ROBO2: variants seen among roughly 807,000 people sequenced by gnomAD.
ROBO2 encodes roundabout homolog 2.
A neutral mutation model predicts 160.8 loss-of-function variants in ROBO2; 53 were observed. The observed-to-expected ratio is 0.33, with a 90% CI of 0.26 to 0.41. The LOEUF is 0.41. Among genes scored for constraint, ROBO2 ranks in the 10% least tolerant of loss-of-function variants. The pLI is 1.00. For missense variants in ROBO2, 1,577 were observed against 1,722.4 expected, an observed-to-expected ratio of 0.92 and a Z score of 1.49; for synonymous variants, 664 against 611.7, an observed-to-expected ratio of 1.09 and a Z score of -1.26.
intron 2 of ROBO2, among the ~76,000 whole-genome samples, chr3:76,685,021 TC>T (rs2092653846): frequency 6.6e-6 from 1 of 151,292 alleles, no homozygotes; most frequent in Admixed American, 6.6e-5. Flanking sequence ...AAAAAAAAAT[TC>T]CCCCACCCCC....
intron 2 of ROBO2, among the ~76,000 whole-genome samples, chr3:76,647,744 A>C (rs1354020403): frequency 6.6e-6 from 1 of 152,058 alleles, no homozygotes; most frequent in Admixed American, 6.6e-5. Flanking sequence ...GGAGGACATG[A>C]GGCAGACTAA....
At chr3:77,630,736 G>A (rs948926753) in intron 23 of ROBO2, 2 of 151,954 alleles carry the variant, frequency 1.3e-5, no homozygotes, top group Non-Finnish European at 2.9e-5. Flanking sequence ...GAGACTAGAG[G>A]GAAATCAGGT....
At chr3:76,525,710 A>G (rs2081912576) in intron 2 of ROBO2, among the ~76,000 whole-genome samples, 1 of 151,926 alleles carries the variant, frequency 6.6e-6, no homozygotes, top group Non-Finnish European at 1.5e-5. Flanking sequence ...GTTTTACTTA[A>G]TTTTGCAGGA....
intron 2 of ROBO2, among the ~76,000 whole-genome samples, chr3:75,941,722 C>T (rs1307167665): frequency 6.6e-6 from 1 of 152,046 alleles, no homozygotes; most frequent in Non-Finnish European, 1.5e-5. Context: ...CTGGCAATTC[C>T]AATTTTCAGT....
At chr3:77,457,059 A>G (rs560692810) in intron 2 of ROBO2, among the ~76,000 whole-genome samples, 1 of 152,290 alleles carries the variant, frequency 6.6e-6, no homozygotes, top group Admixed American at 6.5e-5. Flanking sequence ...GCCCTTTAAA[A>G]GTCCAGCACA....
At chr3:76,263,380 C>T (rs1284988684) in intron 2 of ROBO2, among the ~76,000 whole-genome samples, 1 of 151,974 alleles carries the variant, frequency 6.6e-6, no homozygotes, top group African/African-American at 2.4e-5. Flanking sequence ...GCATGCACTA[C>T]CATACCTAGC....
At chr3:76,350,651 G>A (rs1010324993) in intron 2 of ROBO2, among the ~76,000 whole-genome samples, 19 of 151,904 alleles carry the variant, frequency 1.3e-4, no homozygotes, top group African/African-American at 3.9e-4. Context: ...AAGTCTGAAA[G>A]CATTAATTAC....
chr3:76,352,289 A>T (rs1221633096), intron 2 of ROBO2, among the ~76,000 whole-genome samples: 2 of 151,954 alleles, frequency 1.3e-5, no homozygotes, highest in Non-Finnish European at 2.9e-5. Context: ...AAGTTGACAA[A>T]GTGGCTATGA....
rs561871766 is a variant in ROBO2 at position 76,678,167 on chromosome 3, C to T, written c.110-419847C>T. 3.3e-5 allele frequency among the ~76,000 whole-genome samples: 5 copies of T among 151,630 alleles called. 1 individual carries two copies. The highest frequency in any genetic ancestry group is 7.4e-5 in the Non-Finnish European group (5 of 67,894). ...TGTACTTTTAGTAGAGACAGGGTTT[C>T]GCCATGTTGGCCAAGCTGGTCTCAA... On this transcript the variant is annotated intron_variant, in intron 2 of 26. Transcript: ENST00000487694.
At chr3:77,300,303 GTTGA>G in intron 2 of ROBO2, among the ~76,000 whole-genome samples, 1 of 151,658 alleles carries the variant, frequency 6.6e-6, no homozygotes, top group African/African-American at 2.4e-5. Context: ...TATTTGGAGA[GTTGA>G]TTTAGTTTAT....
intron 2 of ROBO2, among the ~76,000 whole-genome samples, chr3:75,995,380 G>C (rs1031844553): frequency 6.6e-6 from 1 of 152,166 alleles, no homozygotes; most frequent in Non-Finnish European, 1.5e-5. Context: ...GCTTCAGAGG[G>C]TGCAAGCCCC....
intron 2 of ROBO2, among the ~76,000 whole-genome samples, chr3:76,878,596 A>AAAT (rs2073021349): frequency 6.6e-6 from 1 of 152,090 alleles, no homozygotes; most frequent in South Asian, 2.1e-4. Flanking sequence ...ACCAATATGA[A>AAAT]AATTGTGTAC....
At chr3:77,121,579 C>T (rs1332141046) in intron 2 of ROBO2, among the ~76,000 whole-genome samples, 1 of 151,972 alleles carries the variant, frequency 6.6e-6, no homozygotes, top group East Asian at 1.9e-4. Flanking sequence ...GAATAAAAGT[C>T]TTATTTACTT....
chr3:77,085,580 C>T (rs879923144), intron 1 of ROBO2, among the ~76,000 whole-genome samples: 5 of 151,876 alleles, frequency 3.3e-5, no homozygotes, highest in Admixed American at 1.3e-4. Context: ...GCCATAAGCC[C>T]GAGTTGTATT....
At chr3:76,120,129 G>C (rs985969297) in intron 2 of ROBO2, among the ~76,000 whole-genome samples, 2 of 151,824 alleles carry the variant, frequency 1.3e-5, no homozygotes, top group Non-Finnish European at 2.9e-5. Context: ...CCTGAGTAGA[G>C]TAGCTGAGAT....
chr3:77,040,432 A>G lies in ROBO2; in HGVS notation c.-354A>G. On this transcript the variant is annotated 5_prime_UTR_variant, in exon 1 of 26. The change abolishes the stop of an existing upstream ORF in the 5' untranslated region. Transcript: ENST00000461745. The stretch of plus-strand genomic sequence containing the variant: ...CTTTTCCTCCCCCTTCATCATCTTG[A>G]CTTCTGAAGGAAGAACTTGGCTTTG... 2 of 1,058,936 alleles carry G rather than the reference A, an allele frequency of 1.9e-6. No homozygotes were observed. Among genetic ancestry groups the G allele is most frequent in the Non-Finnish European group, 2.3e-6 (2 of 878,164 alleles). The allele number at this position is 1,058,936 out of a possible 1,614,324, so 65.6% of individuals were successfully genotyped here. A position where few individuals can be genotyped will look rare whatever the true frequency, so the allele number is the denominator to read the frequency against.
chr3:76,367,351 G>A (rs1490055662), intron 2 of ROBO2, among the ~76,000 whole-genome samples: 4 of 152,008 alleles, frequency 2.6e-5, no homozygotes, highest in African/African-American at 9.7e-5. Context: ...ATAAGGAGAT[G>A]AGGAAAACTT....
At chr3:76,772,718 T>C (rs1216010005) in intron 2 of ROBO2, among the ~76,000 whole-genome samples, 1 of 151,072 alleles carries the variant, frequency 6.6e-6, no homozygotes, top group African/African-American at 2.4e-5. Context: ...CATGGCATGG[T>C]CATTTGCCAG....
intron 2 of ROBO2, among the ~76,000 whole-genome samples, chr3:77,258,308 T>C (rs2058550631): frequency 6.6e-6 from 1 of 152,168 alleles, no homozygotes; most frequent in Non-Finnish European, 1.5e-5. Context: ...AATGAGAAAA[T>C]ATACTAAATA....
Sources: gnomAD v4.1 joint callset for allele counts (sites outside exome capture counted in the v4.1 genomes callset) on GRCh38, gnomAD v4.1.1 for gene constraint, MANE v1.5 for transcripts, NCBI Gene and HGNC (gene_info 2026-07-23, HGNC 2026-07-21) for gene names.